The following PNMA5 variants were observed in gnomAD, a reference collection of about 807,000 sequenced individuals.
The protein encoded by PNMA5 is PNMA family member 5, also known as paraneoplastic antigen-like protein 5.
For synonymous variants in PNMA5, 138 were observed against 137.9 expected, an observed-to-expected ratio of 1.00 and a Z score of 0.00; for missense variants, 334 against 356.6, an observed-to-expected ratio of 0.94 and a Z score of 0.51.
In PNMA5 at chrX:152,991,357, T is replaced by C; in HGVS notation, c.242A>G (p.His81Arg). Residue 81 changes from histidine (H) to arginine (R), a missense_variant, in exon 4 of 4, where the codon CAC (histidine) becomes CGC (arginine). Physicochemically the swap from His to Arg is conservative, Grantham distance 29. Transcript: ENST00000535214. Reference sequence around the variant, plus strand: ...CCAGGAGCCACCCTTTCCTGGTATGTGACTGGGCAGAGTAGTGTAATTGAC... The same window carrying C: ...CCAGGAGCCACCCTTTCCTGGTATGCGACTGGGCAGAGTAGTGTAATTGAC... ...DTVNYTTLPS[H>R]IPGKGGSWEV... 8.3e-7 allele frequency: 1 copy of C among 1,205,742 alleles called. No homozygotes were observed. The highest frequency in any genetic ancestry group is 1.1e-6 in the Non-Finnish European group (1 of 893,026).
rs1338654785 is a variant in PNMA5, at chrX:152,994,084, G to A, written c.-381C>T. ...TTCCCGCGCAGCGCGACCACCACAC[G>A]TCTATGGCGGCTGCCGCCTCCGTGC... On this transcript the variant is annotated 5_prime_UTR_variant, in exon 1 of 4. In the 5' UTR this introduces an upstream ATG that the reference lacks. Transcript: ENST00000535214. The A allele has an allele frequency of 5.3e-5, 6 of 113,592 alleles. No individual in the cohort carries two copies. Among genetic ancestry groups the A allele is most frequent in the African/African-American group, 1.3e-4 (4 of 31,357 alleles). 9.4% of individuals were successfully genotyped at this position (113,592 alleles called of 1,213,427 possible).
rs1556924169 is a variant in PNMA5, at chrX:152,990,395, T to C, written c.1204A>G (p.Arg402Gly). 2.6e-6 allele frequency: 3 copies of C among 1,174,066 alleles called. No homozygotes were observed. Among genetic ancestry groups the C allele is most frequent in the African/African-American group, 1.8e-5 (1 of 56,150 alleles). Residue 402 changes from arginine (R) to glycine (G), a missense_variant, in exon 4 of 4, where the codon AGG becomes GGG. Physicochemically the swap from Arg to Gly is moderately radical, Grantham distance 125. Coordinates refer to ENST00000535214, the MANE Select transcript of PNMA5 (RefSeq NM_001184924.2). ...RRRLLGSEST[R>G]GEDHGQATYP... ...GTGGCCTGGCCATGGTCTTCTCCCC[T>C]AGTGCTTTCACTGCCTAACAGCCGC...
chrX:152,989,074 G>A lies in PNMA5; in HGVS notation c.*1178C>T, dbSNP rs1453199592. 1 of 110,007 alleles carries A rather than the reference G, an allele frequency of 9.1e-6. No individual in the cohort carries two copies. Among genetic ancestry groups the A allele is most frequent in the Non-Finnish European group, 1.9e-5 (1 of 52,527 alleles). The allele number at this position is 110,007 out of a possible 1,213,427, so 9.1% of individuals were successfully genotyped here. A position where few individuals can be genotyped will look rare whatever the true frequency, so the allele number is the denominator to read the frequency against. ...CCTCCTGAGCCCACCCGCTGGGGCA[G>A]GGCCCTGCCCTATAGACTGCACAGG... On this transcript the variant is annotated 3_prime_UTR_variant, in exon 4 of 4. Coordinates refer to ENST00000535214, the MANE Select transcript of PNMA5 (RefSeq NM_001184924.2).
In PNMA5 at chrX:152,990,478, A is replaced by T. The variant is rs2050891609; in HGVS notation, c.1121T>A (p.Phe374Tyr). 1 of 1,176,312 alleles carries T rather than the reference A, an allele frequency of 8.5e-7. No individual in the cohort carries two copies. Among genetic ancestry groups the T allele is most frequent in the Non-Finnish European group, 1.1e-6 (1 of 880,665 alleles). Reference protein sequence around the residue: ...APQATVQARSFSDSSPQTIQG... With the variant: ...APQATVQARSYSDSSPQTIQG... Reference sequence around the variant, plus strand: ...TATGGTCTGGGGGCTGCTGTCGCTAAAAGACCTTGCCTGCACGGTGGCCTG... The same window carrying T: ...TATGGTCTGGGGGCTGCTGTCGCTATAAGACCTTGCCTGCACGGTGGCCTG... Residue 374 changes from phenylalanine (F) to tyrosine (Y), a missense_variant, in exon 4 of 4, where the codon TTT (phenylalanine) becomes TAT (tyrosine). Physicochemically the swap from Phe to Tyr is conservative, Grantham distance 22 (BLOSUM62 3). Transcript: ENST00000535214.
In PNMA5 at chrX:152,990,660, C is replaced by G; in HGVS notation, c.939G>C (p.Gly313=). ...RGKLELLDQR[G]CPPNFLELMK... is the part of the protein sequence containing the mutation. ...TTAACTCCAGAAAATTGGGAGGACACCCTCGCTGATCCAAGAGCTCCAGCT... is the reference window on the plus strand; with the variant it reads ...TTAACTCCAGAAAATTGGGAGGACAGCCTCGCTGATCCAAGAGCTCCAGCT... The change falls in exon 4 of 4, where the codon GGG becomes GGC. Residue 313 remains glycine (G), a synonymous_variant. Transcript: ENST00000535214. The G allele has an allele frequency of 8.5e-7, 1 of 1,179,196 alleles. No homozygotes were observed. The highest frequency in any genetic ancestry group is 1.1e-6 in the Non-Finnish European group (1 of 883,212).
Position 152,990,737 on chromosome X carries a change from G to C in PNMA5, c.862C>G (p.Arg288Gly). The part of the protein sequence containing the change: ...PLSVRSTDMI[R>G]LKHLLARVAM... ...ACCCGAGCTAAGAGATGTTTCAGAC[G>C]AATCATGTCTGTGCTGCGCACTGAC... The change falls in exon 4 of 4, where the codon CGT (arginine) becomes GGT (glycine). Residue 288 changes from arginine (R) to glycine (G), a missense_variant. Arg to Gly is a moderately radical substitution (Grantham distance 125, BLOSUM62 -2). Transcript: ENST00000535214. The C allele has an allele frequency of 1.7e-6, 2 of 1,196,995 alleles. No individual in the cohort carries two copies. Among genetic ancestry groups the C allele is most frequent in the Non-Finnish European group, 2.2e-6 (2 of 889,225 alleles).
chrX:152,990,070 T>G lies in PNMA5; in HGVS notation c.*182A>C, dbSNP rs1296166908. 5.0e-6 allele frequency: 4 copies of G among 795,961 alleles called. No individual in the cohort carries two copies. The East Asian group carries it at 1.6e-4, about 32-fold the overall frequency. The allele number at this position is 795,961 out of a possible 1,213,427, so 65.6% of individuals were successfully genotyped here. A position where few individuals can be genotyped will look rare whatever the true frequency, so the allele number is the denominator to read the frequency against. ...TGGGCCCGGCCCCCACTGAACCAGA[T>G]GCTATTTGGTCTTGGTTGGTGAAGT... On this transcript the variant is annotated 3_prime_UTR_variant, in exon 4 of 4. Coordinates refer to ENST00000535214, the MANE Select transcript of PNMA5 (RefSeq NM_001184924.2).
Position 152,989,239 on chromosome X carries a change from C to G in PNMA5, c.*1013G>C, listed in dbSNP as rs782589775. 1.8e-5 allele frequency: 2 copies of G among 112,418 alleles called. No homozygotes were observed. The highest frequency in any genetic ancestry group is 2.9e-4 in the East Asian group (1 of 3,468). The allele number at this position is 112,418 out of a possible 1,213,427, so 9.3% of individuals were successfully genotyped here. ...CAGGCAGCCCTGCTCCTTCCCGTGT[C>G]TGGTTGGTCCTCCTGCAGTCGAGGT... is the stretch of plus-strand genomic sequence containing the variant. On this transcript the variant is annotated 3_prime_UTR_variant, in exon 4 of 4. Coordinates refer to ENST00000535214, the MANE Select transcript of PNMA5 (RefSeq NM_001184924.2).
At position 152,988,880 on chromosome X, in the gene PNMA5, A is replaced by T. The variant is rs1224798586; in HGVS notation, c.*1372T>A. 8.9e-6 allele frequency: 1 copy of T among 111,973 alleles called. No individual in the cohort carries two copies. Among genetic ancestry groups the T allele is most frequent in the African/African-American group, 3.3e-5 (1 of 30,674 alleles). 9.2% of individuals were successfully genotyped at this position (111,973 alleles called of 1,213,427 possible). The stretch of plus-strand genomic sequence containing the variant: ...ACATGAACTGAAACTGCTGAAGAAA[A>T]GGGAATCTAACACAGAGAGAAACTG... On this transcript the variant is annotated 3_prime_UTR_variant, in exon 4 of 4. Transcript: ENST00000535214.
chrX:152,990,606 CCACT>C lies in PNMA5; in HGVS notation c.989_992del (p.Glu330GlyfsTer7). 1.7e-6 allele frequency: 2 copies of C among 1,179,460 alleles called. No individual in the cohort carries two copies. Among genetic ancestry groups the C allele is most frequent in the Non-Finnish European group, 2.3e-6 (2 of 882,010 alleles). On this transcript the variant is annotated frameshift_variant, in exon 4 of 4. Coordinates refer to ENST00000535214, the MANE Select transcript of PNMA5 (RefSeq NM_001184924.2). LOFTEE classifies it low-confidence loss of function (END_TRUNC). The stretch of plus-strand genomic sequence containing the variant: ...TCTTCATCACTGCCTCAGTGTTCTC[CCACT>C]CTTCTTCATCTCGAATGAGCTTCAT...
rs1556924624 is a variant in PNMA5, at chrX:152,991,577, C to T, written c.22G>A (p.Asp8Asn). MALTLLEDWCKGMDMDPR... is the reference protein window; with the variant it reads MALTLLENWCKGMDMDPR... ...TCCATGTCCATCCCCTTGCACCAAT[C>T]CTCTAGCAGTGTCAGTGCCATTGCT... The change falls in exon 4 of 4, where the codon GAT becomes AAT. Residue 8 changes from aspartate (D) to asparagine (N), a missense_variant. Transcript: ENST00000535214. 8.7e-7 allele frequency: 1 copy of T among 1,155,678 alleles called. No homozygotes were observed. Among genetic ancestry groups the T allele is most frequent in the Non-Finnish European group, 1.2e-6 (1 of 868,995 alleles).
rs1556924190 is a variant in PNMA5 at position 152,990,423 on chromosome X, G to A, written c.1176C>T (p.Arg392=). 2.6e-6 allele frequency: 3 copies of A among 1,166,113 alleles called. No homozygotes were observed. Among genetic ancestry groups the A allele is most frequent in the Admixed American group, 5.5e-5 (2 of 36,383 alleles). The change falls in exon 4 of 4, where the codon CGC becomes CGT. Residue 392 remains arginine (R), a synonymous_variant. Coordinates refer to ENST00000535214, the MANE Select transcript of PNMA5 (RefSeq NM_001184924.2). ...TGCTTTCACTGCCTAACAGCCGCCT[G>A]CGTTTCACTAATGGGGGTAAGCCTC... ...IQGGLPPLVK[R]RRLLGSESTR...
chrX:152,993,203 C>G (rs1020162030), intron 1 of PNMA5, among the ~76,000 whole-genome samples: 1 of 109,179 alleles, frequency 9.2e-6, no homozygotes, highest in Non-Finnish European at 1.9e-5. Context: ...CTTAGCCCCC[C>G]ACCAAGTCTA....
At position 152,994,112 on chromosome X, in the gene PNMA5, A is replaced by G. The variant is rs1913258990; in HGVS notation, c.-409T>C. The G allele has an allele frequency of 1.8e-5, 2 of 113,188 alleles. No homozygotes were observed. The highest frequency in any genetic ancestry group is 1.8e-4 in the Admixed American group (2 of 10,856). The allele number at this position is 113,188 out of a possible 1,213,427, so 9.3% of individuals were successfully genotyped here. A position where few individuals can be genotyped will look rare whatever the true frequency, so the allele number is the denominator to read the frequency against. ...TATGGCGGCTGCCGCCTCCGTGCTG[A>G]CTGCGCCACGAGGCTGTGGCGGGAA... On this transcript the variant is annotated 5_prime_UTR_variant, in exon 1 of 4. Coordinates refer to ENST00000535214, the MANE Select transcript of PNMA5 (RefSeq NM_001184924.2).
chrX:152,991,748 T>C, intron 3 of PNMA5, 27 bp from the exon 4 acceptor site: 1 of 809,793 alleles, frequency 1.2e-6, no homozygotes, highest in South Asian at 4.8e-5. Context: ...ATGAGAGCAT[T>C]GTTAATGCCC....
intron 1 of PNMA5, among the ~76,000 whole-genome samples, 184 bp from the exon 2 acceptor site, chrX:152,992,970 G>T (rs2050919525): frequency 1.0e-5 from 1 of 97,745 alleles, no homozygotes; most frequent in Admixed American, 1.1e-4. Flanking sequence ...AATGGTGAGA[G>T]GGGTGGGAGG....
In PNMA5 at chrX:152,991,149, C is replaced by T. The variant is rs148898774; in HGVS notation, c.450G>A (p.Pro150=). Residue 150 remains proline (P), a synonymous_variant, in exon 4 of 4, where the codon CCG becomes CCA. Transcript: ENST00000535214. Reference sequence around the variant, plus strand: ...GTTTCCTGTACCACATACTTTCTTTCGGAGGCTCTAAAGGTGGGGATCTAA... The same window carrying T: ...GTTTCCTGTACCACATACTTTCTTTTGGAGGCTCTAAAGGTGGGGATCTAA... ...PQVRSPPLEP[P]KESMWYRKLK... 5.0e-5 allele frequency: 60 copies of T among 1,207,120 alleles called. 1 individual carries two copies. In the South Asian group the frequency reaches 7.2e-4, roughly 14 times the overall value.
chrX:152,991,603 C>A lies in PNMA5; in HGVS notation c.-5G>T, dbSNP rs373727785. On this transcript the variant is annotated 5_prime_UTR_variant, in exon 4 of 4. Coordinates refer to ENST00000535214, the MANE Select transcript of PNMA5 (RefSeq NM_001184924.2). The stretch of plus-strand genomic sequence containing the variant: ...CTCTAGCAGTGTCAGTGCCATTGCT[C>A]CCACTTTCTATGGACTGATCTAATA... 8.7e-7 allele frequency: 1 copy of A among 1,143,445 alleles called. No individual in the cohort carries two copies. Among genetic ancestry groups the A allele is most frequent in the Non-Finnish European group, 1.2e-6 (1 of 863,567 alleles). 94.2% of individuals were successfully genotyped at this position (1,143,445 alleles called of 1,213,427 possible).
rs368937649 is a variant in PNMA5, at chrX:152,991,026, C to G, written c.573G>C (p.Val191=). 8.3e-7 allele frequency: 1 copy of G among 1,205,427 alleles called. No homozygotes were observed. Among genetic ancestry groups the G allele is most frequent in the African/African-American group, 1.7e-5 (1 of 57,299 alleles). ...AACGCCGCCTCTTCTCCACCTCAGA[C>G]ACTTGCCATATGGGCATTATCTCAG... ...QVTEIMPIWQ[V]SEVEKRRRLL... is the part of the protein sequence containing the mutation. The change falls in exon 4 of 4, where the codon GTG becomes GTC. Residue 191 remains valine (V), a synonymous_variant. Coordinates refer to ENST00000535214, the MANE Select transcript of PNMA5 (RefSeq NM_001184924.2).
Sources: gnomAD v4.1 joint callset for allele counts (sites outside exome capture counted in the v4.1 genomes callset) on GRCh38, gnomAD v4.1.1 for gene constraint, MANE v1.5 for transcripts, NCBI Gene and HGNC (gene_info 2026-07-23, HGNC 2026-07-21) for gene names.